Variants in POU6F2 observed in about 807,000 individuals in gnomAD.
POU6F2 encodes the protein POU class 6 homeobox 2.
A neutral mutation model predicts 71.3 loss-of-function variants in POU6F2; 31 were observed. The observed-to-expected ratio is 0.43, with a 90% CI of 0.33 to 0.59. The LOEUF (loss-of-function observed/expected upper bound fraction) is 0.59, where lower values mean the gene tolerates loss of function less well. POU6F2 is among the 20% of genes least tolerant of loss of function. The probability of loss-of-function intolerance (pLI) is 0.04; values close to 1 mark genes in which losing one functional copy is unlikely to be tolerated. For missense variants in POU6F2, 783 were observed against 856.8 expected, an observed-to-expected ratio of 0.91 and a Z score of 1.07; for synonymous variants, 347 against 355.7, an observed-to-expected ratio of 0.98 and a Z score of 0.27.
At chr7:39,016,778 G>A (rs1046169033) in intron 1 of POU6F2, among the ~76,000 whole-genome samples, 3 of 152,090 alleles carry the variant, frequency 2.0e-5, no homozygotes, top group Admixed American at 6.6e-5. Context: ...GGCGTTAAGC[G>A]TGCTCTCTGC....
intron 2 of POU6F2, among the ~76,000 whole-genome samples, chr7:39,129,108 A>G (rs527838922): frequency 2.6e-5 from 4 of 152,176 alleles, no homozygotes; most frequent in Admixed American, 1.3e-4. Flanking sequence ...CAAAAGGGAG[A>G]TTCTTTATCT....
At chr7:39,020,949 A>G (rs531082469) in intron 1 of POU6F2, among the ~76,000 whole-genome samples, 1 of 150,908 alleles carries the variant, frequency 6.6e-6, no homozygotes, top group East Asian at 2.0e-4. Flanking sequence ...AGCATTTTCA[A>G]TTTTTCCTTA....
At chr7:39,338,621 G>A (rs1191385017) in intron 4 of POU6F2, among the ~76,000 whole-genome samples, 1 of 152,162 alleles carries the variant, frequency 6.6e-6, no homozygotes, top group Non-Finnish European at 1.5e-5. Context: ...TTTCCTCTAA[G>A]GCCTGTGGGT....
intron 5 of POU6F2, among the ~76,000 whole-genome samples, chr7:39,391,559 A>G (rs1346005382): frequency 6.6e-6 from 1 of 152,230 alleles, no homozygotes; most frequent in East Asian, 1.9e-4. Flanking sequence ...TCCAGGCACA[A>G]GAATATATCC....
At chr7:39,354,652 T>C (rs1786215482) in intron 5 of POU6F2, among the ~76,000 whole-genome samples, 1 of 152,198 alleles carries the variant, frequency 6.6e-6, no homozygotes, top group South Asian at 2.1e-4. Context: ...TGAATCTCAC[T>C]GTAGTTAATT....
At chr7:39,356,137 T>C (rs1475331274) in intron 5 of POU6F2, among the ~76,000 whole-genome samples, 2 of 152,226 alleles carry the variant, frequency 1.3e-5, no homozygotes, top group Admixed American at 6.5e-5. Flanking sequence ...CTAATCCACT[T>C]TGCAAACCAC....
intron 1 of POU6F2, among the ~76,000 whole-genome samples, chr7:39,074,768 A>G (rs935804719): frequency 2.6e-5 from 4 of 152,190 alleles, no homozygotes; most frequent in African/African-American, 4.8e-5. Context: ...GCTTCTCCAC[A>G]ATAAACTACA....
chr7:39,155,725 C>A (rs1260385580), intron 2 of POU6F2, among the ~76,000 whole-genome samples: 1 of 152,082 alleles, frequency 6.6e-6, no homozygotes, highest in Non-Finnish European at 1.5e-5. Flanking sequence ...CATTATAATT[C>A]AGTGGTCTTA....
At chr7:39,301,734 A>G (rs1273513562) in intron 4 of POU6F2, among the ~76,000 whole-genome samples, 2 of 152,236 alleles carry the variant, frequency 1.3e-5, no homozygotes, top group African/African-American at 4.8e-5. Context: ...GAGGCAGTGC[A>G]TCAGAGAGAG....
rs73367224 is a variant in POU6F2, at chr7:39,224,756, G to C, written c.598+17136G>C. Among the ~76,000 whole-genome samples the C allele has an allele frequency of 8.3e-3, 1,261 of 152,306 alleles. 15 individuals carry two copies. The highest frequency in any genetic ancestry group is 0.029 in the African/African-American group (1,215 of 41,562). On this transcript the variant is annotated intron_variant, in intron 4 of 9. Coordinates refer to ENST00000518318, the MANE Select transcript of POU6F2 (RefSeq NM_001370959.1). ...GATCAGCCTCATGAATGTCTGTAATGACTGACAGCACATTCATTCACACAG... is the reference window on the plus strand; with the variant it reads ...GATCAGCCTCATGAATGTCTGTAATCACTGACAGCACATTCATTCACACAG...
intron 6 of POU6F2, among the ~76,000 whole-genome samples, chr7:39,422,621 G>C (rs1472367759): frequency 6.6e-6 from 1 of 152,194 alleles, no homozygotes; most frequent in Non-Finnish European, 1.5e-5. Context: ...ATGTGCAGAG[G>C]TTATGACTGT....
Position 39,433,199 on chromosome 7 carries a change from C to T in POU6F2, c.1236C>T (p.Ile412=). ...TCCTCACAAACGCCCAGGGCCAGAT[C>T]ATCGCCACAGTCATTGGGAACCAGA... is the stretch of plus-strand genomic sequence containing the variant. The part of the protein sequence containing the change: ...PQLLTNAQGQ[I]IATVIGNQIL... Residue 412 remains isoleucine (I), a synonymous_variant, in exon 7 of 10, where the codon ATC becomes ATT. Transcript: ENST00000518318. The T allele has an allele frequency of 6.2e-7, 1 of 1,613,896 alleles. No homozygotes were observed. Among genetic ancestry groups the T allele is most frequent in the South Asian group, 1.1e-5 (1 of 91,078 alleles).
At chr7:39,104,115 G>A (rs750694391) in intron 2 of POU6F2, among the ~76,000 whole-genome samples, 3 of 152,188 alleles carry the variant, frequency 2.0e-5, no homozygotes, top group East Asian at 1.9e-4. Context: ...CCTGAGACAC[G>A]GTGGGAGCAC....
chr7:39,102,779 A>G (rs1791603167), intron 2 of POU6F2, among the ~76,000 whole-genome samples: 1 of 152,186 alleles, frequency 6.6e-6, no homozygotes, highest in South Asian at 2.1e-4. Flanking sequence ...GTACTTACGT[A>G]AATCTAGATG....
At chr7:39,424,412 G>T (rs979871528) in intron 6 of POU6F2, among the ~76,000 whole-genome samples, 5 of 152,268 alleles carry the variant, frequency 3.3e-5, no homozygotes, top group African/African-American at 1.2e-4. Context: ...AAATCAATTA[G>T]CCTTAAGTAA....
intron 5 of POU6F2, among the ~76,000 whole-genome samples, chr7:39,393,804 A>G (rs945829988): frequency 6.6e-6 from 1 of 152,202 alleles, no homozygotes; most frequent in African/African-American, 2.4e-5. Context: ...AAGGCTCTCC[A>G]TTTGCCCATG....
At chr7:39,186,917 G>A (rs149329220) in intron 2 of POU6F2, among the ~76,000 whole-genome samples, 2 of 152,328 alleles carry the variant, frequency 1.3e-5, no homozygotes, top group African/African-American at 4.8e-5. Flanking sequence ...TCAAACAGCT[G>A]TGACCCGGTT....
chr7:39,223,484 T>G (rs1794407306), intron 4 of POU6F2, among the ~76,000 whole-genome samples: 1 of 152,224 alleles, frequency 6.6e-6, no homozygotes, highest in South Asian at 2.1e-4. Flanking sequence ...AAGGCTACAC[T>G]GGACAACAAA....
rs1259718494 is a variant in POU6F2 at position 39,333,608 on chromosome 7, C to T, written c.599-6034C>T. On this transcript the variant is annotated intron_variant, in intron 4 of 9. Transcript: ENST00000518318. ...AAAAAATTAGCCTGGCACAGTGGCA[C>T]GCGCCTATAGTCCCAGCTACTCGGG... 8.6e-5 allele frequency among the ~76,000 whole-genome samples: 13 copies of T among 152,020 alleles called. No homozygotes were observed. The South Asian group carries it at 1.9e-3, about 22-fold the overall frequency.
Sources: gnomAD v4.1 joint callset for allele counts (sites outside exome capture counted in the v4.1 genomes callset) on GRCh38, gnomAD v4.1.1 for gene constraint, MANE v1.5 for transcripts, NCBI Gene and HGNC (gene_info 2026-07-23, HGNC 2026-07-21) for gene names.